SCAPER: variants seen among roughly 807,000 people sequenced by gnomAD.
The protein encoded by SCAPER is S-phase cyclin A associated protein in the ER.
Under a neutral mutation model 182.2 loss-of-function variants are expected in SCAPER, and 98 were observed. The observed-to-expected ratio is 0.54, with a 90% CI of 0.46 to 0.64. The LOEUF (loss-of-function observed/expected upper bound fraction) is 0.64, where lower values mean the gene tolerates loss of function less well. Ranked by LOEUF, SCAPER falls within the 30% of genes least tolerant of loss-of-function variation. The pLI is 0.00. For missense variants in SCAPER, 1,432 were observed against 1,690.0 expected, an observed-to-expected ratio of 0.85 and a Z score of 2.68; for synonymous variants, 605 against 564.6, an observed-to-expected ratio of 1.07 and a Z score of -1.01.
At chr15:76,503,066 C>T (rs1028948200) in intron 24 of SCAPER, among the ~76,000 whole-genome samples, 2 of 151,762 alleles carry the variant, frequency 1.3e-5, no homozygotes, top group African/African-American at 4.8e-5. Context: ...GAAAACAAAA[C>T]AAAACAAAAC....
chr15:76,420,985 G>A (rs1478004163), intron 26 of SCAPER, among the ~76,000 whole-genome samples: 1 of 152,206 alleles, frequency 6.6e-6, no homozygotes, highest in African/African-American at 2.4e-5. Context: ...ATTCCATGGT[G>A]TATATGTGCC....
At chr15:76,453,933 C>T (rs1386896647) in intron 25 of SCAPER, among the ~76,000 whole-genome samples, 1 of 152,174 alleles carries the variant, frequency 6.6e-6, no homozygotes, top group African/African-American at 2.4e-5. Context: ...ATTTAAAATA[C>T]AGGGCATTAT....
At chr15:76,680,953 C>T (rs1376577046) in intron 20 of SCAPER, among the ~76,000 whole-genome samples, 2 of 152,140 alleles carry the variant, frequency 1.3e-5, no homozygotes, top group African/African-American at 2.4e-5. Flanking sequence ...TACATGAAGA[C>T]AAACACACAA....
intron 23 of SCAPER, among the ~76,000 whole-genome samples, chr15:76,544,876 G>A (rs2045121927): frequency 1.3e-5 from 2 of 152,132 alleles, no homozygotes; most frequent in Non-Finnish European, 1.5e-5. Context: ...ACACTCAATG[G>A]TTTTGGTATA....
chr15:76,769,442 C>CAAA (rs36078656), intron 10 of SCAPER, among the ~76,000 whole-genome samples: 17 of 69,926 alleles, frequency 2.4e-4, no homozygotes, highest in Non-Finnish European at 3.1e-4. Context: ...GACTCTGTCT[C>CAAA]AAAAAAAAAA....
chr15:76,853,893 C>T (rs1014912346), intron 4 of SCAPER, among the ~76,000 whole-genome samples: 3 of 152,208 alleles, frequency 2.0e-5, no homozygotes, highest in Non-Finnish European at 4.4e-5. Context: ...TTGCAGATGA[C>T]TTGATTCTAT....
chr15:76,546,379 T>TA (rs998918541), intron 23 of SCAPER, among the ~76,000 whole-genome samples: 15 of 151,518 alleles, frequency 9.9e-5, no homozygotes, highest in African/African-American at 3.1e-4. Context: ...TGTGCTTTTC[T>TA]AAAAAAAAAT....
At chr15:76,432,184 C>T (rs947062922) in intron 26 of SCAPER, among the ~76,000 whole-genome samples, 2 of 152,158 alleles carry the variant, frequency 1.3e-5, no homozygotes, top group Non-Finnish European at 2.9e-5. Context: ...GAATGACATT[C>T]GTCAGCAGAG....
chr15:76,698,987 T>C (rs1406153323), intron 20 of SCAPER, among the ~76,000 whole-genome samples: 2 of 152,208 alleles, frequency 1.3e-5, no homozygotes, highest in African/African-American at 4.8e-5. Flanking sequence ...CACCTTCCTG[T>C]TTAGCTGGAT....
At chr15:76,691,613 T>C (rs8024476) in intron 20 of SCAPER, among the ~76,000 whole-genome samples, 59,566 of 151,936 alleles carry the variant, frequency 0.39, 13,337 homozygotes, top group Middle Eastern at 0.52. Context: ...GAATATAAAA[T>C]TGTCAAGCTA....
chr15:76,558,607 G>T (rs2046361140), intron 23 of SCAPER, among the ~76,000 whole-genome samples: 1 of 152,202 alleles, frequency 6.6e-6, no homozygotes, highest in Admixed American at 6.5e-5. Context: ...ACTGTGGAAA[G>T]CAGTTGTGAT....
chr15:76,390,693 T>C (rs567518068), intron 27 of SCAPER, among the ~76,000 whole-genome samples: 1 of 152,304 alleles, frequency 6.6e-6, no homozygotes, highest in Admixed American at 6.5e-5. Flanking sequence ...TTTCTCATAC[T>C]GTAAACAGCA....
chr15:76,705,030 GCCATC>G (rs1181394799), intron 18 of SCAPER, among the ~76,000 whole-genome samples: 4 of 152,108 alleles, frequency 2.6e-5, no homozygotes, highest in African/African-American at 9.7e-5. Context: ...ATTTGACCCA[GCCATC>G]CCATTACTGA....
intron 8 of SCAPER, among the ~76,000 whole-genome samples, chr15:76,786,581 G>T (rs1440591527): frequency 6.6e-6 from 1 of 152,066 alleles, no homozygotes; most frequent in East Asian, 1.9e-4. Context: ...CTGGAACAAG[G>T]GAAAGGTGTC....
At chr15:76,472,820 C>T (rs2050296447) in intron 24 of SCAPER, among the ~76,000 whole-genome samples, 1 of 152,136 alleles carries the variant, frequency 6.6e-6, no homozygotes, top group Admixed American at 6.5e-5. Flanking sequence ...GGAGGGATTC[C>T]ATGACTCTGA....
intron 7 of SCAPER, among the ~76,000 whole-genome samples, chr15:76,796,208 A>C (rs985128382): frequency 6.6e-6 from 1 of 152,204 alleles, no homozygotes; most frequent in Non-Finnish European, 1.5e-5. Context: ...TGGTTCCTTT[A>C]AAGTGGAGTG....
intron 23 of SCAPER, among the ~76,000 whole-genome samples, chr15:76,519,688 G>A (rs186482721): frequency 4.0e-4 from 61 of 152,146 alleles, no homozygotes; most frequent in Admixed American, 5.9e-4. Context: ...TTGATGCCTC[G>A]GTGTTCTTAT....
intron 5 of SCAPER, among the ~76,000 whole-genome samples, chr15:76,827,201 A>G (rs552267368): frequency 2.0e-5 from 3 of 152,292 alleles, no homozygotes; most frequent in African/African-American, 7.2e-5. Context: ...TCTAAAAGCT[A>G]CAGATGACTG....
chr15:76,354,805 C>T lies in SCAPER; in HGVS notation c.3856-665G>A, dbSNP rs2040844051. Among the ~76,000 whole-genome samples, 1 of 152,184 alleles carries T rather than the reference C, an allele frequency of 6.6e-6. No homozygotes were observed. The highest frequency in any genetic ancestry group is 6.5e-5 in the Admixed American group (1 of 15,278). Reference sequence around the variant, plus strand: ...GCAGTCTTAAGTTTACAACTGTGTACATTTAAAGAAATAGGGCAATGCAAC... The same window carrying T: ...GCAGTCTTAAGTTTACAACTGTGTATATTTAAAGAAATAGGGCAATGCAAC... On this transcript the variant is annotated intron_variant, in intron 29 of 31. Coordinates refer to ENST00000563290, the MANE Select transcript of SCAPER (RefSeq NM_020843.4). This position sits in a 1 kb window ranked among gnomAD's most constrained non-coding sequence, Gnocchi z 4.4.
Sources: gnomAD v4.1 joint callset for allele counts (sites outside exome capture counted in the v4.1 genomes callset) on GRCh38, gnomAD v4.1.1 for gene constraint, Gnocchi (gnomAD v3.1) non-coding constraint, MANE v1.5 for transcripts, NCBI Gene and HGNC (gene_info 2026-07-23, HGNC 2026-07-21) for gene names.